Variants in SIK3 observed in about 807,000 individuals in gnomAD.
The protein encoded by SIK3 is SIK family kinase 3, also known as serine/threonine-protein kinase SIK3.
SIK3 carries 28 observed loss-of-function variants against 144.2 expected under a neutral mutation model. The observed-to-expected ratio is 0.19, with a 90% CI of 0.14 to 0.27. The LOEUF (loss-of-function observed/expected upper bound fraction) is 0.27, where lower values mean the gene tolerates loss of function less well. Ranked by LOEUF, SIK3 falls within the 10% of genes least tolerant of loss-of-function variation. The pLI, the probability that SIK3 is intolerant of heterozygous loss-of-function variation, is 1.00. For missense variants in SIK3, 1,319 were observed against 1,776.0 expected (o/e 0.74, Z 4.62); for synonymous variants, 686 against 676.3 (o/e 1.01, Z -0.22).
chr11:117,096,370 T>C (rs1955470052), intron 1 of SIK3, among the ~76,000 whole-genome samples: 1 of 151,704 alleles, frequency 6.6e-6, no homozygotes. Context: ...GAGCACAAAG[T>C]GATTACACAG....
intron 3 of SIK3, among the ~76,000 whole-genome samples, chr11:116,934,563 G>A (rs377149595): frequency 9.9e-5 from 15 of 152,254 alleles, no homozygotes; most frequent in South Asian, 2.1e-4. Flanking sequence ...CAATTTCTTC[G>A]TGAAACACAT....
chr11:116,898,158 T>C (rs1254487043), intron 4 of SIK3, among the ~76,000 whole-genome samples: 10 of 149,242 alleles, frequency 6.7e-5, no homozygotes, highest in South Asian at 4.3e-4. Flanking sequence ...CAGAGTGTGA[T>C]GTTCCCCTTC....
At chr11:116,912,800 A>G (rs1946416646) in intron 4 of SIK3, among the ~76,000 whole-genome samples, 1 of 152,236 alleles carries the variant, frequency 6.6e-6, no homozygotes, top group Non-Finnish European at 1.5e-5. Context: ...AGACCCAAAG[A>G]TGAAGACAGA....
intron 3 of SIK3, among the ~76,000 whole-genome samples, chr11:116,933,716 T>C (rs1312342478): frequency 6.6e-6 from 1 of 152,120 alleles, no homozygotes; most frequent in Non-Finnish European, 1.5e-5. Flanking sequence ...TCATGGCTCA[T>C]TGTAGCCTCA....
chr11:116,978,237 A>G (rs558434397), intron 1 of SIK3, among the ~76,000 whole-genome samples: 1 of 152,208 alleles, frequency 6.6e-6, no homozygotes, highest in South Asian at 2.1e-4. Flanking sequence ...TACTATCCGC[A>G]TTACCAAAAG....
chr11:116,910,849 A>G (rs1161162825), intron 4 of SIK3, among the ~76,000 whole-genome samples: 1 of 152,248 alleles, frequency 6.6e-6, no homozygotes. Context: ...ACAGAAACTT[A>G]AGGCAAAGAA....
At chr11:116,880,727 C>A (rs1195927191) in intron 6 of SIK3, among the ~76,000 whole-genome samples, 1 of 152,134 alleles carries the variant, frequency 6.6e-6, no homozygotes, top group African/African-American at 2.4e-5. Flanking sequence ...AACACAATCA[C>A]CCACAGGACA....
intron 1 of SIK3, among the ~76,000 whole-genome samples, chr11:117,077,066 G>C (rs1415509820): frequency 6.6e-6 from 1 of 152,184 alleles, no homozygotes; most frequent in Non-Finnish European, 1.5e-5. Context: ...TGAGATGGGA[G>C]GATCACTTGA....
At chr11:117,052,244 A>G (rs1953284866) in intron 1 of SIK3, among the ~76,000 whole-genome samples, 1 of 152,238 alleles carries the variant, frequency 6.6e-6, no homozygotes, top group South Asian at 2.1e-4. Flanking sequence ...TTCCTTGTAT[A>G]TGATGGGGTA....
chr11:117,064,801 A>G (rs1308789401), intron 1 of SIK3, among the ~76,000 whole-genome samples: 2 of 152,196 alleles, frequency 1.3e-5, no homozygotes, highest in African/African-American at 2.4e-5. Flanking sequence ...ACTGCACTTG[A>G]CTTTTAATTG....
At chr11:117,021,066 C>T (rs1235821103) in intron 1 of SIK3, among the ~76,000 whole-genome samples, 2 of 152,150 alleles carry the variant, frequency 1.3e-5, no homozygotes, top group African/African-American at 2.4e-5. Flanking sequence ...TAGAGGACAC[C>T]AGCTGGCAGC....
chr11:117,031,687 ATTTTTTT>A (rs57524562), intron 1 of SIK3, among the ~76,000 whole-genome samples: 175 of 81,530 alleles, frequency 2.1e-3, no homozygotes, highest in South Asian at 0.011. Flanking sequence ...CACCCGGCTA[ATTTTTTT>A]TTTTTTTTTT....
In SIK3 at chr11:116,867,878, G is replaced by T; in HGVS notation, c.1952+68C>A. ...CCACGATGCTAGTCACCGTCGCTGT[G>T]AGACTAATCAGAAGGGTGCCTGTCC... On this transcript the variant is annotated intron_variant, in intron 15 of 24. Transcript: ENST00000445177. The surrounding 1 kb of genome is among the most constrained non-coding windows in gnomAD (Gnocchi z 4.1). 1 of 1,421,176 alleles carries T rather than the reference G, an allele frequency of 7.0e-7. No individual in the cohort carries two copies. Among genetic ancestry groups the T allele is most frequent in the Non-Finnish European group, 9.3e-7 (1 of 1,073,718 alleles). The allele number at this position is 1,421,176 out of a possible 1,614,324, so 88.0% of individuals were successfully genotyped here. A position where few individuals can be genotyped will look rare whatever the true frequency, so the allele number is the denominator to read the frequency against.
chr11:117,006,673 C>A (rs1478568574), intron 1 of SIK3, among the ~76,000 whole-genome samples: 4 of 152,060 alleles, frequency 2.6e-5, no homozygotes, highest in Admixed American at 6.6e-5. Flanking sequence ...AAAAAAAGAT[C>A]TTCACAAACA....
chr11:116,950,170 G>A (rs1438084706), intron 3 of SIK3: 1 of 470,808 alleles, frequency 2.1e-6, no homozygotes, highest in Non-Finnish European at 4.4e-6. Context: ...AGTAGAAGAA[G>A]GGGCCCCCAT....
chr11:116,862,669 T>A lies in SIK3; in HGVS notation c.2104-342A>T, dbSNP rs11602559. Among the ~76,000 whole-genome samples the A allele has an allele frequency of 7.1e-4, 108 of 152,222 alleles. 1 individual carries two copies. Among genetic ancestry groups the A allele is most frequent in the African/African-American group, 2.5e-3 (104 of 41,524 alleles). ...ATAGAATCTTTATAGTACAGAAACA[T>A]ATAGAGGTACATTTCCTTCCTCTGA... is the stretch of plus-strand genomic sequence containing the variant. On this transcript the variant is annotated intron_variant, in intron 16 of 24. Transcript: ENST00000445177.
Position 116,877,048 on chromosome 11 carries a change from A to G in SIK3, c.866-6T>C, listed in dbSNP as rs1944294254. The G allele has an allele frequency of 6.2e-7, 1 of 1,613,340 alleles. No individual in the cohort carries two copies. Among genetic ancestry groups the G allele is most frequent in the African/African-American group, 1.3e-5 (1 of 74,918 alleles). On this transcript the variant is annotated splice_polypyrimidine_tract_variant and splice_region_variant and intron_variant, in intron 6 of 24. Transcript: ENST00000445177. ...GCGGATCAAATGCTCACATTCTGCA[A>G]TGGACAAACAGCCTGCCTTCAGTCT...
chr11:116,897,514 A>G (rs1945474507), intron 4 of SIK3, among the ~76,000 whole-genome samples, 197 bp from the exon 5 acceptor site: 1 of 152,248 alleles, frequency 6.6e-6, no homozygotes, highest in Admixed American at 6.5e-5. Flanking sequence ...AAATATAAAC[A>G]TGATCAGTTT....
intron 1 of SIK3, among the ~76,000 whole-genome samples, chr11:116,975,610 A>C (rs1192286386): frequency 6.6e-6 from 1 of 152,200 alleles, no homozygotes; most frequent in Non-Finnish European, 1.5e-5. Flanking sequence ...TCCATTCTTT[A>C]GTTGATGGAC....
Sources: allele counts gnomAD v4.1 joint callset (sites outside exome capture counted in the v4.1 genomes callset), GRCh38; gene constraint gnomAD v4.1.1; non-coding constraint Gnocchi (gnomAD v3.1); transcripts MANE v1.5; gene names NCBI Gene and HGNC (gene_info 2026-07-23, HGNC 2026-07-21).